SLCO6A1: variants seen among roughly 807,000 people sequenced by gnomAD.
SLCO6A1 encodes solute carrier organic anion transporter family member 6A1.
A neutral mutation model predicts 72.7 loss-of-function variants in SLCO6A1; 65 were observed. The observed-to-expected ratio is 0.89, with a 90% CI of 0.73 to 1.10. SLCO6A1 has a LOEUF of 1.10. Among genes scored for constraint, SLCO6A1 ranks in the 50% least tolerant of loss-of-function variants. The pLI is 0.00. For synonymous variants in SLCO6A1, 314 were observed against 298.2 expected (o/e 1.05, Z -0.55); for missense variants, 874 against 872.6 (o/e 1.00, Z -0.02).
chr5:102,466,488 T>G (rs1043592905), intron 4 of SLCO6A1, among the ~76,000 whole-genome samples: 1 of 152,144 alleles, frequency 6.6e-6, no homozygotes, highest in Non-Finnish European at 1.5e-5. Context: ...AATGATCATA[T>G]GTGTGCATGT....
At position 102,498,853 on chromosome 5, in the gene SLCO6A1, C is replaced by T. The variant is rs979543047; in HGVS notation, c.-9G>A. 4 of 1,595,120 alleles carry T rather than the reference C, an allele frequency of 2.5e-6. No homozygotes were observed. The African/African-American group carries it at 4.0e-5, about 16-fold the overall frequency. On this transcript the variant is annotated 5_prime_UTR_variant, in exon 1 of 14. Coordinates refer to ENST00000506729, the MANE Select transcript of SLCO6A1 (RefSeq NM_173488.5). ...GCGACGCCTACGAACATGGCTCACC[C>T]TGGGCGGCTCCTGGCGACGCGGCCC...
At chr5:102,380,062 T>C (rs1160788710) in intron 12 of SLCO6A1, among the ~76,000 whole-genome samples, 1 of 152,034 alleles carries the variant, frequency 6.6e-6, no homozygotes, top group Non-Finnish European at 1.5e-5. Flanking sequence ...ACAATGATTA[T>C]ATATTTAGCA....
chr5:102,443,889 G>A (rs1445422432), intron 6 of SLCO6A1, among the ~76,000 whole-genome samples: 4 of 152,168 alleles, frequency 2.6e-5, no homozygotes, highest in Non-Finnish European at 4.4e-5. Flanking sequence ...CATAAAAAGG[G>A]AGAAATCAGA....
chr5:102,477,193 C>T (rs1405437137), intron 3 of SLCO6A1, among the ~76,000 whole-genome samples: 1 of 152,110 alleles, frequency 6.6e-6, no homozygotes, highest in Non-Finnish European at 1.5e-5. Context: ...ACGATCTTGG[C>T]TCGCTGCAAT....
chr5:102,408,385 A>AAG (rs201655862), intron 9 of SLCO6A1, among the ~76,000 whole-genome samples: 1 of 152,046 alleles, frequency 6.6e-6, no homozygotes, highest in Non-Finnish European at 1.5e-5. Flanking sequence ...AAATACAGGA[A>AAG]AGAGAGAGAG....
chr5:102,468,957 A>T (rs1270124591), intron 4 of SLCO6A1, among the ~76,000 whole-genome samples: 2 of 152,108 alleles, frequency 1.3e-5, no homozygotes, highest in Non-Finnish European at 2.9e-5. Flanking sequence ...TTTGTCAAAG[A>T]TCAGATGGTT....
At chr5:102,461,091 C>T (rs775164132) in intron 4 of SLCO6A1, among the ~76,000 whole-genome samples, 1 of 151,048 alleles carries the variant, frequency 6.6e-6, no homozygotes, top group African/African-American at 2.4e-5. Flanking sequence ...CATTATATTA[C>T]ATGTGATTAT....
chr5:102,434,733 T>A (rs1749411445), intron 7 of SLCO6A1, among the ~76,000 whole-genome samples: 1 of 152,168 alleles, frequency 6.6e-6, no homozygotes, highest in African/African-American at 2.4e-5. Context: ...ATAGGTCTTA[T>A]CAACTCTTCT....
At chr5:102,379,089 G>C (rs1439887683) in intron 12 of SLCO6A1, among the ~76,000 whole-genome samples, 2 of 151,938 alleles carry the variant, frequency 1.3e-5, no homozygotes, top group Non-Finnish European at 1.5e-5. Context: ...TCCTTCAATT[G>C]TTTTTGGGTA....
intron 12 of SLCO6A1, among the ~76,000 whole-genome samples, chr5:102,374,273 T>C (rs1300423256): frequency 6.6e-6 from 1 of 152,166 alleles, no homozygotes; most frequent in African/African-American, 2.4e-5. Context: ...CCCAAAGTAC[T>C]GGGATTACAG....
intron 12 of SLCO6A1, among the ~76,000 whole-genome samples, chr5:102,388,449 C>T (rs1263701710): frequency 6.6e-6 from 1 of 152,054 alleles, no homozygotes; most frequent in Non-Finnish European, 1.5e-5. Flanking sequence ...GAGACCCTCC[C>T]ACCTCAGCCT....
intron 7 of SLCO6A1, among the ~76,000 whole-genome samples, chr5:102,436,358 C>T (rs568305310): frequency 6.6e-6 from 1 of 152,236 alleles, no homozygotes; most frequent in Non-Finnish European, 1.5e-5. Context: ...TAAATCCCAA[C>T]AAAACCCAAA....
Position 102,385,448 on chromosome 5 carries a change from T to G in SLCO6A1, c.2017+3240A>C, listed in dbSNP as rs142513567. ...GGACTCTCATAATGCATAGATTGGT[T>G]TGCTTCATGGTGTTCTGTAATTCCA... On this transcript the variant is annotated intron_variant, in intron 12 of 13. Coordinates refer to ENST00000506729, the MANE Select transcript of SLCO6A1 (RefSeq NM_173488.5). 9.2e-3 allele frequency among the ~76,000 whole-genome samples: 1,393 copies of G among 152,204 alleles called. 23 individuals are homozygous for G. Among genetic ancestry groups the G allele is most frequent in the African/African-American group, 0.032 (1,330 of 41,538 alleles).
intron 10 of SLCO6A1, chr5:102,391,289 C>T (rs1293591106): frequency 1.1e-5 from 5 of 456,732 alleles, no homozygotes; most frequent in African/African-American, 6.0e-5. Context: ...TTTTTATGGC[C>T]CAAATCCTCT....
intron 1 of SLCO6A1, among the ~76,000 whole-genome samples, chr5:102,487,454 G>A (rs1185427170): frequency 6.6e-6 from 1 of 152,176 alleles, no homozygotes; most frequent in Non-Finnish European, 1.5e-5. Flanking sequence ...TATGATAAAT[G>A]AAAATACCGT....
At chr5:102,396,038 T>C (rs570037254) in intron 10 of SLCO6A1, among the ~76,000 whole-genome samples, 1 of 152,098 alleles carries the variant, frequency 6.6e-6, no homozygotes, top group Non-Finnish European at 1.5e-5. Flanking sequence ...AGAAGCTCTT[T>C]AGTTTAATTA....
At chr5:102,481,231 A>T (rs539404169) in intron 1 of SLCO6A1, among the ~76,000 whole-genome samples, 1 of 151,404 alleles carries the variant, frequency 6.6e-6, no homozygotes, top group African/African-American at 2.4e-5. Flanking sequence ...CAATCACTAC[A>T]TTTTTTTTTT....
At chr5:102,407,235 C>A (rs1747721235) in intron 9 of SLCO6A1, among the ~76,000 whole-genome samples, 1 of 152,182 alleles carries the variant, frequency 6.6e-6, no homozygotes, top group African/African-American at 2.4e-5. Context: ...AATGACCCAA[C>A]AACCCAGTTA....
chr5:102,492,870 G>A (rs1157189662), intron 1 of SLCO6A1, among the ~76,000 whole-genome samples: 1 of 152,184 alleles, frequency 6.6e-6, no homozygotes, highest in African/African-American at 2.4e-5. Flanking sequence ...GGCTTGAGTA[G>A]GTAAACAAAG....
Sources: allele counts gnomAD v4.1 joint callset (sites outside exome capture counted in the v4.1 genomes callset), GRCh38; gene constraint gnomAD v4.1.1; transcripts MANE v1.5; gene names NCBI Gene and HGNC (gene_info 2026-07-23, HGNC 2026-07-21).